Variants in C5orf63 observed in about 807,000 individuals in gnomAD.
C5orf63 encodes chromosome 5 open reading frame 63, also known as glutaredoxin-like protein C5orf63.
C5orf63 carries 18 observed loss-of-function variants against 13.3 expected under a neutral mutation model. The ratio of observed to expected loss-of-function variants is 1.36; its 90% confidence interval spans 0.94 to 2.01. C5orf63 has a LOEUF of 2.01. Ranked by LOEUF, C5orf63 falls within the 30% of genes most tolerant of loss-of-function variation. The pLI is 0.00. For missense variants in C5orf63, 118 were observed against 127.7 expected (o/e 0.92, Z 0.36); for synonymous variants, 38 against 44.7 (o/e 0.85, Z 0.60).
intron 2 of C5orf63, among the ~76,000 whole-genome samples, chr5:127,065,056 C>T (rs1460944868): frequency 6.6e-6 from 1 of 152,084 alleles, no homozygotes. Flanking sequence ...CTCAGATGGA[C>T]TAATCAACTC....
chr5:127,059,350 G>C (rs1023468234), intron 2 of C5orf63, among the ~76,000 whole-genome samples: 17 of 151,916 alleles, frequency 1.1e-4, no homozygotes, highest in African/African-American at 4.1e-4. Flanking sequence ...AAAATATGGA[G>C]GTTTCCTGAG....
intron 2 of C5orf63, among the ~76,000 whole-genome samples, chr5:127,062,801 T>C (rs1193833349): frequency 6.6e-6 from 1 of 152,182 alleles, no homozygotes; most frequent in African/African-American, 2.4e-5. Context: ...TCCTGAAACA[T>C]GGTCTCTGCC....
chr5:127,071,565 G>A lies in C5orf63; in HGVS notation c.-8+19C>T, dbSNP rs532064814. The A allele has an allele frequency of 1.3e-5, 2 of 152,312 alleles. No individual in the cohort carries two copies. The highest frequency in any genetic ancestry group is 2.4e-5 in the African/African-American group (1 of 41,562). The allele number at this position is 152,312 out of a possible 1,614,324, so 9.4% of individuals were successfully genotyped here. A position where few individuals can be genotyped will look rare whatever the true frequency, so the allele number is the denominator to read the frequency against. On this transcript the variant is annotated intron_variant, in intron 2 of 4. Coordinates refer to ENST00000296662, the MANE Select transcript of C5orf63 (RefSeq NM_001164478.2). ...GATAGAGGAAGCTCACCTAGTCCCT[G>A]CTGTGTAGCTACACATACCTGATCC...
chr5:127,056,650 T>G (rs919452709), intron 3 of C5orf63: 10 of 152,176 alleles, frequency 6.6e-5, no homozygotes, highest in African/African-American at 2.2e-4. Context: ...AGATGAGATT[T>G]GGGTGGGGAC....
At chr5:127,060,984 G>C (rs1754083098) in intron 2 of C5orf63, among the ~76,000 whole-genome samples, 1 of 152,158 alleles carries the variant, frequency 6.6e-6, no homozygotes. Flanking sequence ...CACATAATAG[G>C]CACTCAAATA....
chr5:127,056,616 C>G (rs1753896708), intron 3 of C5orf63: 1 of 152,208 alleles, frequency 6.6e-6, no homozygotes, highest in South Asian at 2.1e-4. Context: ...TCTCCCACAA[C>G]ATGTGGGAAT....
At chr5:127,047,588 A>G, downstream of C5orf63, 1 of 633,526 alleles carries the variant, frequency 1.6e-6, no homozygotes, top group East Asian at 2.7e-5. Flanking sequence ...AGGTATATGT[A>G]ACCAATACTC....
chr5:127,055,733 A>C (rs1337855143), intron 3 of C5orf63, among the ~76,000 whole-genome samples: 1 of 152,018 alleles, frequency 6.6e-6, no homozygotes, highest in Admixed American at 6.6e-5. Context: ...TCTTAAAAGC[A>C]AAAAAAACCA....
intron 3 of C5orf63, among the ~76,000 whole-genome samples, chr5:127,053,008 C>T (rs1753741964): frequency 6.6e-6 from 1 of 152,040 alleles, no homozygotes; most frequent in South Asian, 2.1e-4. Context: ...TCAGGTGCAC[C>T]CTTGTGGCCT....
intron 2 of C5orf63, among the ~76,000 whole-genome samples, chr5:127,062,833 G>A (rs1219376434): frequency 6.6e-6 from 1 of 152,100 alleles, no homozygotes; most frequent in African/African-American, 2.4e-5. Flanking sequence ...GACTGTGAGA[G>A]GACAACACTT....
intron 2 of C5orf63, among the ~76,000 whole-genome samples, chr5:127,060,349 G>A (rs755693868): frequency 1.3e-5 from 2 of 152,106 alleles, no homozygotes; most frequent in African/African-American, 2.4e-5. Flanking sequence ...CTTGGTGATC[G>A]CAGCATCTCA....
At chr5:127,048,763 A>T (rs1753584746), downstream of C5orf63, among the ~76,000 whole-genome samples, 1 of 151,922 alleles carries the variant, frequency 6.6e-6, no homozygotes, top group Non-Finnish European at 1.5e-5. Flanking sequence ...CTATAACCAC[A>T]TGGTTATACT....
rs374041179 is a variant in C5orf63, at chr5:127,052,658, G to T, written c.126C>A (p.Pro42=). ...VLTLFTKDPC[P]LCDEAKEVLK... is the part of the protein sequence containing the mutation. The stretch of plus-strand genomic sequence containing the variant: ...GTACTTCCTTGGCTTCATCACAAAG[G>T]GGGCATGGGTCCTACAGGAAGAAAA... The change falls in exon 4 of 5, where the codon CCC becomes CCA. Residue 42 remains proline, a synonymous_variant. Coordinates refer to ENST00000296662, the MANE Select transcript of C5orf63 (RefSeq NM_001164478.2). 6.6e-7 allele frequency: 1 copy of T among 1,507,610 alleles called. No homozygotes were observed. The highest frequency in any genetic ancestry group is 2.3e-5 in the Admixed American group (1 of 43,886). 93.4% of individuals were successfully genotyped at this position (1,507,610 alleles called of 1,614,324 possible). A position where few individuals can be genotyped will look rare whatever the true frequency, so the allele number is the denominator to read the frequency against.
chr5:127,052,316 C>T, intron 4 of C5orf63: 2 of 336,734 alleles, frequency 5.9e-6, no homozygotes, highest in Non-Finnish European at 5.3e-6. Context: ...GTGCAAACTG[C>T]AAAACAAGAT....
exon 5 of C5orf63, chr5:127,045,741 C>T (rs954467977): frequency 1.3e-5 from 2 of 152,202 alleles, no homozygotes; most frequent in East Asian, 1.9e-4. Flanking sequence ...CTGGGAAAAG[C>T]TCCTCCCTGA....
At chr5:127,072,598 G>T (rs921944759) in intron 1 of C5orf63, among the ~76,000 whole-genome samples, 8 of 152,046 alleles carry the variant, frequency 5.3e-5, no homozygotes, top group African/African-American at 1.7e-4. Context: ...TGTCCTTGAG[G>T]AATTGAGAAT....
chr5:127,051,977 T>TCTG, intron 4 of C5orf63, 30 bp from the exon 5 acceptor site: 1 of 1,432,474 alleles, frequency 7.0e-7, no homozygotes. Context: ...AAGCTCTGTA[T>TCTG]TTTAGACCAT....
downstream of C5orf63, chr5:127,044,821 C>T (rs1580519819): frequency 7.0e-6 from 1 of 141,858 alleles, no homozygotes; most frequent in Non-Finnish European, 1.5e-5. Context: ...TGCTATATTG[C>T]CCAGGCAGGT....
chr5:127,054,056 C>T (rs1182342770), intron 3 of C5orf63, among the ~76,000 whole-genome samples: 1 of 152,132 alleles, frequency 6.6e-6, no homozygotes, highest in African/African-American at 2.4e-5. Context: ...AAAGTCAACA[C>T]AGGATCTTAA....
Sources: allele counts gnomAD v4.1 joint callset (sites outside exome capture counted in the v4.1 genomes callset), GRCh38; gene constraint gnomAD v4.1.1; transcripts MANE v1.5; gene names NCBI Gene and HGNC (gene_info 2026-07-23, HGNC 2026-07-21).